WHR1: variants seen among roughly 807,000 people sequenced by gnomAD.
The protein encoded by WHR1 is winged helix repair factor 1, also known as MHC class III HLA-RP1.
the WHR1 span, among the ~76,000 whole-genome samples, chr6:31,976,493 G>C: frequency 6.6e-6 from 1 of 151,696 alleles, no homozygotes; most frequent in Non-Finnish European, 1.5e-5. Context: ...ATGAGCGGCC[G>C]GGCAGAGACG....
At chr6:31,979,090 G>T in the WHR1 span, 5 of 1,334,208 alleles carry the variant, frequency 3.7e-6, no homozygotes, top group South Asian at 3.7e-5. Context: ...ACAAAAGAAA[G>T]AATTTCCCTG....
chr6:31,974,279 C>CAAA, the WHR1 span, among the ~76,000 whole-genome samples: 32 of 118,548 alleles, frequency 2.7e-4, no homozygotes, highest in South Asian at 2.2e-3. Context: ...GACTTTGTCT[C>CAAA]AAAAAAAAAA....
chr6:31,977,849 A>G, the WHR1 span, among the ~76,000 whole-genome samples: 1 of 151,902 alleles, frequency 6.6e-6, no homozygotes. Flanking sequence ...GCTGGAGCGC[A>G]GTGGCATGAT....
chr6:31,976,533 G>C, the WHR1 span, among the ~76,000 whole-genome samples: 1 of 151,870 alleles, frequency 6.6e-6, no homozygotes, highest in Non-Finnish European at 1.5e-5. Flanking sequence ...GATGGCGGCC[G>C]GGCAGAGACA....
the WHR1 span, chr6:31,971,917 G>C: frequency 6.5e-6 from 10 of 1,532,928 alleles, no homozygotes; most frequent in East Asian, 1.1e-4. The surrounding 1 kb of genome is among the most constrained non-coding windows in gnomAD (Gnocchi z 4.5). Flanking sequence ...CTCAGATCAA[G>C]AATCCAGTTA....
At chr6:31,979,715 C>A in the WHR1 span, 3 of 913,222 alleles carry the variant, frequency 3.3e-6, no homozygotes, top group East Asian at 2.6e-5. Context: ...GTATTCCTCC[C>A]CACAAGAGAG....
At chr6:31,980,810 T>C in the WHR1 span, 1 of 1,517,992 alleles carries the variant, frequency 6.6e-7, no homozygotes, top group Non-Finnish European at 8.8e-7. Flanking sequence ...TGGTGAGTCT[T>C]TCCCTGGCCT....
chr6:31,979,148 TGAGGGAGAGAGACAGGAGGGAAA>T, the WHR1 span: 1 of 685,638 alleles, frequency 1.5e-6, no homozygotes, highest in African/African-American at 2.0e-5. Flanking sequence ...AATAGTAATA[TGAGGGAGAGAGACAGGAGGGAAA>T]GAGGGAGGAG....
the WHR1 span, chr6:31,979,570 C>G: frequency 6.2e-7 from 1 of 1,611,414 alleles, no homozygotes; most frequent in Admixed American, 1.7e-5. Flanking sequence ...CTTGTGGAAC[C>G]AACCAAAGTC....
At chr6:31,978,909 C>G in the WHR1 span, 16 of 1,612,594 alleles carry the variant, frequency 9.9e-6, 1 homozygote, top group South Asian at 1.8e-4. Flanking sequence ...ACAGAAGGAG[C>G]TTCAAGAGCA....
At chr6:31,972,077 T>C in the WHR1 span, 1 of 1,610,866 alleles carries the variant, frequency 6.2e-7, no homozygotes, top group Non-Finnish European at 8.5e-7. This position sits in a 1 kb window ranked among gnomAD's most constrained non-coding sequence, Gnocchi z 6.3. Context: ...GCGGGGGAGG[T>C]GTGAGCTTCA....
At chr6:31,972,879 G>A in the WHR1 span, 1 of 1,500,168 alleles carries the variant, frequency 6.7e-7, no homozygotes, top group Non-Finnish European at 9.0e-7. The surrounding 1 kb of genome is among the most constrained non-coding windows in gnomAD (Gnocchi z 6.3). Context: ...CACTGTGCCA[G>A]GCACTGGGGT....
the WHR1 span, among the ~76,000 whole-genome samples, chr6:31,975,452 C>T: frequency 2.0e-5 from 3 of 152,080 alleles, no homozygotes; most frequent in East Asian, 1.9e-4. Flanking sequence ...CTGCCCTCCT[C>T]GGCCTCCCAA....
At chr6:31,973,560 GCTAT>G in the WHR1 span, among the ~76,000 whole-genome samples, 4 of 152,126 alleles carry the variant, frequency 2.6e-5, no homozygotes, top group South Asian at 8.3e-4. Context: ...AAAAGCTATG[GCTAT>G]CTCTCTCCAG....
At chr6:31,980,344 C>G in the WHR1 span, 1 of 1,024,692 alleles carries the variant, frequency 9.8e-7, no homozygotes, top group Non-Finnish European at 1.4e-6. Flanking sequence ...GTCTCTCTTG[C>G]ATGGTTGCCC....
the WHR1 span, among the ~76,000 whole-genome samples, chr6:31,977,067 G>A: frequency 1.3e-5 from 2 of 152,272 alleles, no homozygotes; most frequent in South Asian, 4.1e-4. Flanking sequence ...TGTCTTTTGG[G>A]GTTTGTTTTT....
chr6:31,978,428 T>C, the WHR1 span, among the ~76,000 whole-genome samples: 2 of 152,256 alleles, frequency 1.3e-5, no homozygotes, highest in Non-Finnish European at 2.9e-5. Flanking sequence ...TGAGCCACTG[T>C]ACCTGGTCTT....
the WHR1 span, chr6:31,979,569 C>G: frequency 6.2e-7 from 1 of 1,611,948 alleles, no homozygotes; most frequent in East Asian, 2.2e-5. Flanking sequence ...ACTTGTGGAA[C>G]CAACCAAAGT....
At chr6:31,977,889 G>A in the WHR1 span, among the ~76,000 whole-genome samples, 6 of 152,088 alleles carry the variant, frequency 3.9e-5, no homozygotes, top group African/African-American at 1.4e-4. Context: ...CTGGGTTCAA[G>A]CAGTTCTCCT....
Sources: allele counts gnomAD v4.1 joint callset (sites outside exome capture counted in the v4.1 genomes callset), GRCh38; gene constraint gnomAD v4.1.1; non-coding constraint Gnocchi (gnomAD v3.1); transcripts MANE v1.5; gene names NCBI Gene and HGNC (gene_info 2026-07-23, HGNC 2026-07-21).